Variants in OMA1 observed in about 807,000 individuals in gnomAD.
OMA1 encodes metalloendopeptidase OMA1, mitochondrial.
Under a neutral mutation model 30.9 loss-of-function variants are expected in OMA1, and 38 were observed. The observed-to-expected ratio is 1.23, with a 90% CI of 0.95 to 1.61. The LOEUF is 1.61. OMA1 is among the 40% of genes most tolerant of loss of function. The probability of loss-of-function intolerance (pLI) is 0.00; values close to 1 mark genes in which losing one functional copy is unlikely to be tolerated. For synonymous variants in OMA1, 173 were observed against 121.9 expected (o/e 1.42, Z -2.76); for missense variants, 461 against 349.2 (o/e 1.32, Z -2.55).
chr1:58,502,283 G>C (rs147327768), intron 8 of OMA1, among the ~76,000 whole-genome samples: 110 of 152,238 alleles, frequency 7.2e-4, no homozygotes, highest in Middle Eastern at 3.4e-3. Context: ...TTGCTTTCTT[G>C]ATTTCCTATG....
intron 7 of OMA1, among the ~76,000 whole-genome samples, chr1:58,516,668 G>C (rs138732619): frequency 2.9e-3 from 447 of 152,278 alleles, no homozygotes; most frequent in Non-Finnish European, 5.0e-3. Context: ...TTTGAAAGAG[G>C]CTTCATGAGT....
intron 8 of OMA1, among the ~76,000 whole-genome samples, chr1:58,487,313 T>C (rs1301764098): frequency 6.6e-6 from 1 of 152,262 alleles, no homozygotes; most frequent in East Asian, 1.9e-4. Context: ...TTTTAATAGC[T>C]TTTCTTTTAT....
At chr1:58,489,477 A>G (rs1048347708) in intron 8 of OMA1, among the ~76,000 whole-genome samples, 1 of 152,340 alleles carries the variant, frequency 6.6e-6, no homozygotes, top group Non-Finnish European at 1.5e-5. Flanking sequence ...ACTGCAGCTC[A>G]AGGAGGCCTG....
intron 7 of OMA1, among the ~76,000 whole-genome samples, chr1:58,521,445 G>A (rs1041261428): frequency 2.0e-5 from 3 of 151,386 alleles, no homozygotes; most frequent in Admixed American, 2.0e-4. Context: ...AATGGTAACT[G>A]ACATAACAGA....
chr1:58,482,602 A>T (rs1411657663), intron 8 of OMA1, among the ~76,000 whole-genome samples: 1 of 152,152 alleles, frequency 6.6e-6, no homozygotes, highest in East Asian at 1.9e-4. Context: ...AAGGCAGTAA[A>T]GGAGACAGTG....
chr1:58,517,806 A>T (rs1446432715), intron 7 of OMA1, among the ~76,000 whole-genome samples: 1 of 152,012 alleles, frequency 6.6e-6, no homozygotes, highest in Non-Finnish European at 1.5e-5. Flanking sequence ...TTAAATGTCA[A>T]TCCAAAGTAG....
chr1:58,486,690 T>C (rs1431888854), intron 8 of OMA1, among the ~76,000 whole-genome samples: 1 of 152,154 alleles, frequency 6.6e-6, no homozygotes, highest in African/African-American at 2.4e-5. Flanking sequence ...GTGAGGTGTG[T>C]TGGACGGACA....
At position 58,540,120 on chromosome 1, in the gene OMA1, G is replaced by A. The variant is rs536280003; in HGVS notation, c.-16-810C>T. Among the ~76,000 whole-genome samples the A allele has an allele frequency of 1.1e-4, 17 of 152,176 alleles. No individual in the cohort carries two copies. In the East Asian group the frequency reaches 3.3e-3, roughly 29 times the overall value. On this transcript the variant is annotated intron_variant, in intron 1 of 8. Transcript: ENST00000371226. The stretch of plus-strand genomic sequence containing the variant: ...GCCTATCCCCTCCCCACCATTCAAA[G>A]TGGAAAACCTTATCATTCGTGGGTA...
chr1:58,538,808 T>C lies in OMA1; in HGVS notation c.487A>G (p.Ile163Val), dbSNP rs1205593930. The C allele has an allele frequency of 4.9e-6, 4 of 811,416 alleles. No homozygotes were observed. In the Admixed American group the frequency reaches 9.0e-5, roughly 18 times the overall value. 50.3% of individuals were successfully genotyped at this position (811,416 alleles called of 1,614,324 possible). ...ILKPVQKLFA[I>V]IVGRGIRKWW... Reference sequence around the variant, plus strand: ...AAAGCATTTTACCTGCCTACAATGATTGCAAATAACTTCTGTACTGGTTTA... The same window carrying C: ...AAAGCATTTTACCTGCCTACAATGACTGCAAATAACTTCTGTACTGGTTTA... Residue 163 changes from isoleucine to valine, a missense_variant, in exon 2 of 9, where the codon ATC (isoleucine) becomes GTC (valine). Coordinates refer to ENST00000371226, the MANE Select transcript of OMA1 (RefSeq NM_145243.5).
Position 58,539,317 on chromosome 1 carries a change from C to CA in OMA1, c.-16-8dup, listed in dbSNP as rs753291283. 0.014 allele frequency: 7,635 copies of CA among 544,650 alleles called. No individual in the cohort carries two copies. Among genetic ancestry groups the CA allele is most frequent in the South Asian group, 0.022 (867 of 39,054 alleles). 33.7% of individuals were successfully genotyped at this position (544,650 alleles called of 1,614,324 possible). On this transcript the variant is annotated splice_region_variant and splice_polypyrimidine_tract_variant and intron_variant, in intron 1 of 8. Transcript: ENST00000371226. Reference sequence around the variant, plus strand: ...CATTTTTTCACTTGACTACCTGAAACAAAAAAAAAACTATAAATATCTGTG... The same window carrying CA: ...CATTTTTTCACTTGACTACCTGAAACAAAAAAAAAAACTATAAATATCTGTG...
At chr1:58,545,873 T>C (rs977187915) in intron 1 of OMA1, among the ~76,000 whole-genome samples, 11 of 152,194 alleles carry the variant, frequency 7.2e-5, no homozygotes, top group African/African-American at 2.2e-4. Context: ...TAAAAAAGAA[T>C]TGGACGGCAG....
chr1:58,545,599 A>G (rs1321145413), intron 1 of OMA1, among the ~76,000 whole-genome samples: 1 of 152,202 alleles, frequency 6.6e-6, no homozygotes, highest in South Asian at 2.1e-4. Context: ...TAACAAAATT[A>G]ATGATGTGAG....
rs1006005745 is a variant in OMA1, at chr1:58,492,112, A to C, written c.1366-10938T>G. 2.7e-4 allele frequency among the ~76,000 whole-genome samples: 41 copies of C among 152,202 alleles called. 1 individual carries two copies. Among genetic ancestry groups the C allele is most frequent in the Non-Finnish European group, 7.3e-5 (5 of 68,042 alleles). On this transcript the variant is annotated intron_variant, in intron 8 of 8. Transcript: ENST00000371226. ...ACTAGAACTCAGGATTAAGAAACCC[A>C]CTCAAAACCACTCAACCACATGGCA...
At position 58,534,138 on chromosome 1, in the gene OMA1, G is replaced by A. The variant is rs369333392; in HGVS notation, c.903+20C>T. ...ACAATAAATTTAACAATTACAATGCGTTTGAGAACATTTACTTACTGGAAG... is the reference window on the plus strand; with the variant it reads ...ACAATAAATTTAACAATTACAATGCATTTGAGAACATTTACTTACTGGAAG... On this transcript the variant is annotated intron_variant, in intron 4 of 8. Transcript: ENST00000371226. 3.1e-5 allele frequency: 27 copies of A among 868,442 alleles called. No individual in the cohort carries two copies. The highest frequency in any genetic ancestry group is 2.4e-4 in the East Asian group (10 of 41,620). The allele number at this position is 868,442 out of a possible 1,614,324, so 53.8% of individuals were successfully genotyped here.
chr1:58,495,521 G>T (rs1395773942), intron 8 of OMA1, among the ~76,000 whole-genome samples: 4 of 151,392 alleles, frequency 2.6e-5, no homozygotes, highest in South Asian at 2.1e-4. Flanking sequence ...TTCCTTACTT[G>T]ATCTGTGGTT....
chr1:58,534,936 C>T (rs920751954), intron 3 of OMA1, among the ~76,000 whole-genome samples: 1 of 151,966 alleles, frequency 6.6e-6, no homozygotes, highest in Non-Finnish European at 1.5e-5. Flanking sequence ...AGGGAGATCC[C>T]ATCTCAAAAA....
At chr1:58,506,270 A>G (rs2100417193) in intron 7 of OMA1, 61 bp from the exon 8 acceptor site, 2 of 764,544 alleles carry the variant, frequency 2.6e-6, no homozygotes, top group Middle Eastern at 2.6e-4. Flanking sequence ...TTTAAAAACT[A>G]CTACTTTATT....
intron 5 of OMA1, among the ~76,000 whole-genome samples, chr1:58,533,056 G>A (rs921863937): frequency 6.6e-6 from 1 of 151,966 alleles, no homozygotes; most frequent in Non-Finnish European, 1.5e-5. Context: ...GTACCTTTGC[G>A]TTTACAATTT....
At chr1:58,499,314 CAAAAAAAAAAAAA>C (rs58217798) in intron 8 of OMA1, among the ~76,000 whole-genome samples, 1 of 69,742 alleles carries the variant, frequency 1.4e-5, no homozygotes, top group East Asian at 6.3e-4. Context: ...CACATCTCTA[CAAAAAAAAAAAAA>C]AAAAAAAAAA....
Sources: gnomAD v4.1 joint callset for allele counts (sites outside exome capture counted in the v4.1 genomes callset) on GRCh38, gnomAD v4.1.1 for gene constraint, MANE v1.5 for transcripts, NCBI Gene and HGNC (gene_info 2026-07-23, HGNC 2026-07-21) for gene names.